DCHS1: variants seen among roughly 807,000 people sequenced by gnomAD.
DCHS1 encodes protocadherin-16.
DCHS1 carries 78 observed loss-of-function variants against 213.9 expected under a neutral mutation model. The observed-to-expected ratio is 0.36, with a 90% CI of 0.30 to 0.44. The LOEUF (loss-of-function observed/expected upper bound fraction) is 0.44. Ranked by LOEUF, DCHS1 falls within the 20% of genes least tolerant of loss-of-function variation. DCHS1 has a pLI of 1.00. For missense variants in DCHS1, 3,946 were observed against 4,395.9 expected (o/e 0.90, Z 2.89); for synonymous variants, 1,828 against 1,873.7 (o/e 0.98, Z 0.63).
At position 6,623,607 on chromosome 11, in the gene DCHS1, G is replaced by A; in HGVS notation, c.8069C>T (p.Ala2690Val). Residue 2690 changes from alanine (A) to valine (V), a missense_variant, in exon 21 of 21, where the codon GCA becomes GTA. Physicochemically the swap from Ala to Val is moderately conservative, Grantham distance 64. Transcript: ENST00000299441. ...ATCCTGGACCTCAATTGTCACTGGT[G>A]CCAAAGCAAAGTGTGCACCAGCAGG... is the stretch of plus-strand genomic sequence containing the variant. Reference protein sequence around the residue: ...ADPAGAHFALAPVTIEVQDVN... With the variant: ...ADPAGAHFALVPVTIEVQDVN... 6.2e-7 allele frequency: 1 copy of A among 1,613,800 alleles called. No individual in the cohort carries two copies. The highest frequency in any genetic ancestry group is 8.5e-7 in the Non-Finnish European group (1 of 1,179,876).
rs548880262 is a variant in DCHS1, at chr11:6,630,324, C to G, written c.4470G>C (p.Ala1490=). ...GCGGAGCGCTGAGCGCCCCGGTGCG[C>G]GCGTCCAGGCGAAGCGCCGGCACGG... ...EPPVPALRLD[A]RTGALSAPRG... Residue 1490 remains alanine (A), a synonymous_variant, in exon 10 of 21, where the codon GCG becomes GCC. Coordinates refer to ENST00000299441, the MANE Select transcript of DCHS1 (RefSeq NM_003737.4). 1.1e-3 allele frequency: 1,442 copies of G among 1,329,358 alleles called. 15 individuals carry two copies. The African/African-American group carries it at 0.02, about 18-fold the overall frequency. 82.3% of individuals were successfully genotyped at this position (1,329,358 alleles called of 1,614,324 possible). A position where few individuals can be genotyped will look rare whatever the true frequency, so the allele number is the denominator to read the frequency against.
chr11:6,624,960 C>T, intron 19 of DCHS1, 92 bp from the exon 20 acceptor site: 1 of 1,551,628 alleles, frequency 6.4e-7, no homozygotes, highest in Non-Finnish European at 8.8e-7. Flanking sequence ...TTGTGCCCTG[C>T]TTGGCGTCTA....
chr11:6,636,042 C>T (rs1194862923), intron 2 of DCHS1, among the ~76,000 whole-genome samples: 1 of 152,144 alleles, frequency 6.6e-6, no homozygotes, highest in Non-Finnish European at 1.5e-5. Flanking sequence ...TTCTCTTGCC[C>T]CCATCCCATC....
Position 6,631,081 on chromosome 11 carries a change from C to T in DCHS1, c.3902G>A (p.Arg1301Gln), listed in dbSNP as rs1375078229. ...CACCAGCAGCTGGAGGCTGGCACTT[C>T]GAGGAGGGCTGCCTTGGTCATGAGC... is the stretch of plus-strand genomic sequence containing the variant. The part of the protein sequence containing the change: ...LSAHDQGSPP[R>Q]SASLQLLVQV... The change falls in exon 9 of 21, where the codon CGA becomes CAA. Residue 1301 changes from arginine (R) to glutamine (Q), a missense_variant. Physicochemically the swap from Arg to Gln is conservative, Grantham distance 43. Transcript: ENST00000299441. 3.1e-6 allele frequency: 5 copies of T among 1,611,310 alleles called. No individual in the cohort carries two copies. The East Asian group carries it at 8.9e-5, about 29-fold the overall frequency.
In DCHS1 at chr11:6,625,008, G is replaced by A; in HGVS notation, c.7147-140C>T. The A allele has an allele frequency of 2.1e-6, 3 of 1,410,050 alleles. No homozygotes were observed. The highest frequency in any genetic ancestry group is 9.6e-7 in the Non-Finnish European group (1 of 1,039,238). The allele number at this position is 1,410,050 out of a possible 1,614,324, so 87.3% of individuals were successfully genotyped here. A position where few individuals can be genotyped will look rare whatever the true frequency, so the allele number is the denominator to read the frequency against. ...GCCCCTACTCCTAAGTATTCGAATG[G>A]GAAATGCCCACCTTCTCCCCTTTCT... On this transcript the variant is annotated intron_variant, in intron 19 of 20. Transcript: ENST00000299441. This position sits in a 1 kb window ranked among gnomAD's most constrained non-coding sequence, Gnocchi z 5.3.
At chr11:6,638,121 A>G (rs150859242) in intron 2 of DCHS1, among the ~76,000 whole-genome samples, 64 of 152,324 alleles carry the variant, frequency 4.2e-4, no homozygotes, top group African/African-American at 1.3e-3. Flanking sequence ...GTGGAGCTGC[A>G]CAGCAGCAGG....
intron 1 of DCHS1, among the ~76,000 whole-genome samples, chr11:6,651,868 A>G (rs1856247196): frequency 6.6e-6 from 1 of 152,106 alleles, no homozygotes; most frequent in South Asian, 2.1e-4. Context: ...AGGTTTGCAC[A>G]TGATAAGGGG....
rs1299942365 is a variant in DCHS1, at chr11:6,632,768, G to A, written c.2744C>T (p.Thr915Ile). Residue 915 changes from threonine (T) to isoleucine (I), a missense_variant, in exon 6 of 21, where the codon ACA (threonine) becomes ATA (isoleucine). Physicochemically the swap from Thr to Ile is moderately conservative, Grantham distance 89 (BLOSUM62 -1). Transcript: ENST00000299441. This position sits in a 1 kb window ranked among gnomAD's most constrained non-coding sequence, Gnocchi z 5.9. ...TGAGTCGGGGTCAAGAGCCCGCAGT[G>A]TATAGATGGGAGTCCCTGGGGCAGT... ...PNTAPGTPIY[T>I]LRALDPDSGV... is the part of the protein sequence containing the mutation. 2 of 1,613,494 alleles carry A rather than the reference G, an allele frequency of 1.2e-6. No homozygotes were observed. The highest frequency in any genetic ancestry group is 1.7e-6 in the Non-Finnish European group (2 of 1,179,662).
chr11:6,649,403 G>A (rs1856212783), intron 1 of DCHS1, among the ~76,000 whole-genome samples: 1 of 151,850 alleles, frequency 6.6e-6, no homozygotes, highest in South Asian at 2.1e-4. Context: ...AGGAGGAGGA[G>A]CTCAATGTTG....
chr11:6,638,360 T>C (rs1317942956), intron 2 of DCHS1, among the ~76,000 whole-genome samples: 1 of 152,230 alleles, frequency 6.6e-6, no homozygotes, highest in Non-Finnish European at 1.5e-5. Flanking sequence ...CAGATTTGCT[T>C]AGAGTCCTTC....
rs558971402 is a variant in DCHS1 at position 6,632,017 on chromosome 11, G to C, written c.3481+14C>G. The C allele has an allele frequency of 1.3e-6, 2 of 1,499,648 alleles. No individual in the cohort carries two copies. The highest frequency in any genetic ancestry group is 2.8e-5 in the African/African-American group (2 of 71,628). The allele number at this position is 1,499,648 out of a possible 1,614,324, so 92.9% of individuals were successfully genotyped here. On this transcript the variant is annotated intron_variant, in intron 6 of 20. Coordinates refer to ENST00000299441, the MANE Select transcript of DCHS1 (RefSeq NM_003737.4). The surrounding 1 kb of genome is among the most constrained non-coding windows in gnomAD (Gnocchi z 5.9). ...AAGGCTATGCGGTCTCAGGATTTGG[G>C]TCTCTGTGCTCACCAGTCTGGGGGT... is the stretch of plus-strand genomic sequence containing the variant.
chr11:6,631,401 C>G lies in DCHS1; in HGVS notation c.3682G>C (p.Asp1228His), dbSNP rs758896008. ...ACCAGTGTTCCCGGAGGCACGCGGT[C>G]TGGTACCTGTGGGAACACAACTCAC... ...AGGGLPIQVP[D>H]RVPPGTLVTT... Residue 1228 changes from aspartate to histidine, a missense_variant, in exon 8 of 21, where the codon GAC (aspartate) becomes CAC (histidine). By Grantham distance (81) the Asp-to-His change is moderately conservative (BLOSUM62 -1). This residue lies in a region of DCHS1 where 3,384 missense variants were observed against 3,780.1 expected (regional missense o/e 0.90). Transcript: ENST00000299441. 6.2e-7 allele frequency: 1 copy of G among 1,613,988 alleles called. No homozygotes were observed.
At chr11:6,634,678 T>C (rs1345165965) in intron 2 of DCHS1, among the ~76,000 whole-genome samples, 1 of 152,062 alleles carries the variant, frequency 6.6e-6, no homozygotes, top group Non-Finnish European at 1.5e-5. Flanking sequence ...ATACAACACA[T>C]CACAGCCTTC....
chr11:6,630,199 G>T lies in DCHS1; in HGVS notation c.4595C>A (p.Ala1532Glu). 6.3e-7 allele frequency: 1 copy of T among 1,579,830 alleles called. No homozygotes were observed. Among genetic ancestry groups the T allele is most frequent in the Non-Finnish European group, 8.6e-7 (1 of 1,164,226 alleles). The change falls in exon 10 of 21, where the codon GCG becomes GAG. Residue 1532 changes from alanine to glutamate, a missense_variant. By Grantham distance (107) the Ala-to-Glu change is moderately radical (BLOSUM62 -1). This residue lies in a region of DCHS1 where 3,384 missense variants were observed against 3,780.1 expected (regional missense o/e 0.90). Coordinates refer to ENST00000299441, the MANE Select transcript of DCHS1 (RefSeq NM_003737.4). ...ASRRRAARVSARVFVTDENDN... is the reference protein window; with the variant it reads ...ASRRRAARVSERVFVTDENDN... Reference sequence around the variant, plus strand: ...ATTCTCATCCGTGACGAAGACGCGCGCTGAAACGCGCGCTGCACGACGGCG... The same window carrying T: ...ATTCTCATCCGTGACGAAGACGCGCTCTGAAACGCGCGCTGCACGACGGCG...
intron 1 of DCHS1, among the ~76,000 whole-genome samples, chr11:6,646,144 C>T (rs1174977400): frequency 2.0e-5 from 3 of 152,006 alleles, no homozygotes; most frequent in African/African-American, 7.3e-5. Flanking sequence ...ACCCTCCACA[C>T]ACACCCACCC....
At position 6,626,160 on chromosome 11, in the gene DCHS1, AC is replaced by A. The variant is rs753369039; in HGVS notation, c.6576+8del. The A allele has an allele frequency of 1.0e-5, 16 of 1,599,494 alleles. No homozygotes were observed. The Admixed American group carries it at 1.0e-4, about 10-fold the overall frequency. On this transcript the variant is annotated splice_region_variant and intron_variant, in intron 16 of 20. Transcript: ENST00000299441. The surrounding 1 kb of genome is among the most constrained non-coding windows in gnomAD (Gnocchi z 5.2). The stretch of plus-strand genomic sequence containing the variant: ...CTCCCCCGCCCAATCTTTCCATCAC[AC>A]CCCGCACCTGCAGCAGGGGCCCCTC...
Position 6,622,724 on chromosome 11 carries a change from G to A in DCHS1, c.8952C>T (p.Asp2984=), listed in dbSNP as rs764454482. Residue 2984 remains aspartate, a synonymous_variant, in exon 21 of 21, where the codon GAC becomes GAT. Transcript: ENST00000299441. The surrounding 1 kb of genome is among the most constrained non-coding windows in gnomAD (Gnocchi z 5.4). ...PMSQAAPLAS[D]SLQKLGREPP... Reference sequence around the variant, plus strand: ...GCTCCCGGCCCAGTTTCTGCAGTGAGTCACTGGCTAGGGGTGCTGCCTGTG... The same window carrying A: ...GCTCCCGGCCCAGTTTCTGCAGTGAATCACTGGCTAGGGGTGCTGCCTGTG... The A allele has an allele frequency of 1.6e-5, 26 of 1,591,702 alleles. No homozygotes were observed. The South Asian group carries it at 2.6e-4, about 16-fold the overall frequency.
chr11:6,642,043 T>A (rs1301979980), intron 1 of DCHS1, among the ~76,000 whole-genome samples: 1 of 152,202 alleles, frequency 6.6e-6, no homozygotes, highest in East Asian at 1.9e-4. Flanking sequence ...TCTTTTCTCA[T>A]TTTCTTCTCA....
chr11:6,624,768 G>C lies in DCHS1; in HGVS notation c.7247C>G (p.Ala2416Gly). Reference sequence around the variant, plus strand: ...AACACTGAAGCCATCGGCAGGGGAAGCCAGGTGGTAGGAAATGTGACCGTT... The same window carrying C: ...AACACTGAAGCCATCGGCAGGGGAACCCAGGTGGTAGGAAATGTGACCGTT... ...GANGHISYHLASPADGFSVDP... is the reference protein window; with the variant it reads ...GANGHISYHLGSPADGFSVDP... Residue 2416 changes from alanine (A) to glycine (G), a missense_variant, in exon 20 of 21, where the codon GCT (alanine) becomes GGT (glycine). Physicochemically the swap from Ala to Gly is moderately conservative, Grantham distance 60 (BLOSUM62 0). Around this residue, in one of 3 missense-constraint regions of DCHS1, gnomAD observed 3,384 missense variants for 3,780.1 expected, o/e 0.90. Transcript: ENST00000299441. The C allele has an allele frequency of 6.2e-7, 1 of 1,613,896 alleles. No homozygotes were observed. Among genetic ancestry groups the C allele is most frequent in the Non-Finnish European group, 8.5e-7 (1 of 1,179,836 alleles).
Sources: allele counts gnomAD v4.1 joint callset (sites outside exome capture counted in the v4.1 genomes callset), GRCh38; gene constraint gnomAD v4.1.1; regional missense constraint gnomAD v4.1.1; non-coding constraint Gnocchi (gnomAD v3.1); transcripts MANE v1.5; gene names NCBI Gene and HGNC (gene_info 2026-07-23, HGNC 2026-07-21).